Variants in CFAP44 observed in about 807,000 individuals in gnomAD.
The protein encoded by CFAP44 is cilia- and flagella-associated protein 44.
In CFAP44, 134 loss-of-function variants were observed where a neutral mutation model predicts 216.2. The observed-to-expected ratio is 0.62, with a 90% CI of 0.54 to 0.72. CFAP44 has a LOEUF of 0.72. Among genes scored for constraint, CFAP44 ranks in the 30% least tolerant of loss-of-function variants. CFAP44 has a pLI of 0.00. For missense variants in CFAP44, 2,035 were observed against 2,182.1 expected, an observed-to-expected ratio of 0.93 and a Z score of 1.34; for synonymous variants, 700 against 727.6, an observed-to-expected ratio of 0.96 and a Z score of 0.61.
At chr3:113,331,306 C>T (rs1211865251) in intron 25 of CFAP44, among the ~76,000 whole-genome samples, 2 of 152,068 alleles carry the variant, frequency 1.3e-5, no homozygotes, top group African/African-American at 4.8e-5. Context: ...TCTCATTGCT[C>T]TTTCATTACC....
intron 18 of CFAP44, among the ~76,000 whole-genome samples, chr3:113,369,097 G>A (rs1333570900): frequency 6.6e-6 from 1 of 152,134 alleles, no homozygotes; most frequent in Non-Finnish European, 1.5e-5. Context: ...CAAATCCTTA[G>A]AAACCTACAA....
At chr3:113,389,259 T>G (rs1933731739) in intron 15 of CFAP44, among the ~76,000 whole-genome samples, 1 of 152,154 alleles carries the variant, frequency 6.6e-6, no homozygotes, top group East Asian at 1.9e-4. Context: ...TTAAACAATA[T>G]GTTCCTGAAT....
intron 24 of CFAP44, among the ~76,000 whole-genome samples, chr3:113,336,273 C>A (rs1052351486): frequency 6.6e-6 from 1 of 151,758 alleles, no homozygotes; most frequent in Non-Finnish European, 1.5e-5. Flanking sequence ...AATCTATGAC[C>A]AAAAGCTAGT....
chr3:113,399,881 T>A, intron 13 of CFAP44, 25 bp downstream of exon 13: 1 of 1,479,828 alleles, frequency 6.8e-7, no homozygotes, highest in Non-Finnish European at 9.2e-7. Flanking sequence ...TAGATTCTGG[T>A]AGTTCATTAT....
chr3:113,384,292 C>T (rs1933591416), intron 15 of CFAP44, among the ~76,000 whole-genome samples: 1 of 152,112 alleles, frequency 6.6e-6, no homozygotes, highest in Non-Finnish European at 1.5e-5. Context: ...ATCCCCTGAC[C>T]TTGTGATCCA....
rs1934189145 is a variant in CFAP44, at chr3:113,403,229, A to ACCAG, written c.1170+619_1170+622dup. 2.0e-5 allele frequency among the ~76,000 whole-genome samples: 3 copies of ACCAG among 152,226 alleles called. No homozygotes were observed. In the South Asian group the frequency reaches 6.2e-4, roughly 32 times the overall value. ...AGGCAAATCACAAGGCTACAGGTTG[A>ACCAG]CCAGCCACAGCACAATACTCATTAA... On this transcript the variant is annotated intron_variant, in intron 9 of 34. Transcript: ENST00000393845.
At chr3:113,299,807 T>C (rs950317551) in intron 32 of CFAP44, among the ~76,000 whole-genome samples, 1 of 152,148 alleles carries the variant, frequency 6.6e-6, no homozygotes, top group Non-Finnish European at 1.5e-5. Context: ...GACAGGCGAT[T>C]GCTTGAGCCC....
At chr3:113,411,188 G>C (rs542767757) in intron 6 of CFAP44, among the ~76,000 whole-genome samples, 12 of 152,264 alleles carry the variant, frequency 7.9e-5, no homozygotes, top group African/African-American at 2.9e-4. Context: ...TGTTGCCATT[G>C]CTTTTGGTGT....
At position 113,287,194 on chromosome 3, in the gene CFAP44, G is replaced by A. The variant is rs76690593; in HGVS notation, c.*4363C>T. 2.6e-6 allele frequency: 1 copy of A among 391,986 alleles called. No homozygotes were observed. Among genetic ancestry groups the A allele is most frequent in the Non-Finnish European group, 4.9e-6 (1 of 204,066 alleles). 24.3% of individuals were successfully genotyped at this position (391,986 alleles called of 1,614,324 possible). ...AGGCCCACAGATAAGCTGGCAAGAGGAAGGATCCCAGGCACATGGTTCATC... is the reference window on the plus strand; with the variant it reads ...AGGCCCACAGATAAGCTGGCAAGAGAAAGGATCCCAGGCACATGGTTCATC... On this transcript the variant is annotated 3_prime_UTR_variant, in exon 35 of 35. Coordinates refer to ENST00000393845, the MANE Select transcript of CFAP44 (RefSeq NM_001164496.2).
At position 113,344,612 on chromosome 3, in the gene CFAP44, T is replaced by C; in HGVS notation, c.3166A>G (p.Lys1056Glu). The change falls in exon 23 of 35, where the codon AAA becomes GAA. Residue 1056 changes from lysine to glutamate, a missense_variant. By Grantham distance (56) the Lys-to-Glu change is moderately conservative (BLOSUM62 1). Transcript: ENST00000393845. ...TCTGATTGACTAGCTCGTTTGAATT[T>C]GGAGTACTTAGAGGGCTGCACCAGC... ...YRLVQPSKYS[K>E]FKRASQSERK... 6.5e-7 allele frequency: 1 copy of C among 1,537,174 alleles called. No individual in the cohort carries two copies. Among genetic ancestry groups the C allele is most frequent in the Non-Finnish European group, 8.7e-7 (1 of 1,146,866 alleles).
At chr3:113,341,997 A>G (rs1950337147) in intron 23 of CFAP44, 79 bp from the exon 24 acceptor site, 1 of 1,402,208 alleles carries the variant, frequency 7.1e-7, no homozygotes, top group Non-Finnish European at 9.4e-7. Flanking sequence ...AACCTGCTGC[A>G]TTAGAAAAAA....
In CFAP44 at chr3:113,290,802, T is replaced by C. The variant is rs868202431; in HGVS notation, c.*755A>G. Reference sequence around the variant, plus strand: ...AAATGGCAGGGGACATGAGAAACTATGGGGAAAACTTAGAATTCTGACGGA... The same window carrying C: ...AAATGGCAGGGGACATGAGAAACTACGGGGAAAACTTAGAATTCTGACGGA... On this transcript the variant is annotated 3_prime_UTR_variant, in exon 35 of 35. Transcript: ENST00000393845. 14 of 152,170 alleles carry C rather than the reference T, an allele frequency of 9.2e-5. No homozygotes were observed. Among genetic ancestry groups the C allele is most frequent in the African/African-American group, 3.4e-4 (14 of 41,440 alleles). 9.4% of individuals were successfully genotyped at this position (152,170 alleles called of 1,614,324 possible).
intron 17 of CFAP44, among the ~76,000 whole-genome samples, chr3:113,378,394 C>T (rs1373636972): frequency 1.3e-5 from 2 of 152,122 alleles, no homozygotes; most frequent in Non-Finnish European, 2.9e-5. Flanking sequence ...GTCTCCAATG[C>T]TATTTTCCAT....
intron 4 of CFAP44, 125 bp downstream of exon 4, chr3:113,425,999 C>T: frequency 9.1e-7 from 1 of 1,100,972 alleles, no homozygotes; most frequent in East Asian, 2.4e-5. Flanking sequence ...GGCTGTGTTG[C>T]AATAAAACTT....
chr3:113,400,421 G>T, intron 12 of CFAP44, 124 bp downstream of exon 12: 1 of 743,972 alleles, frequency 1.3e-6, no homozygotes, highest in Non-Finnish European at 2.0e-6. Flanking sequence ...CAACTCGCTT[G>T]CATTCAAGAG....
At chr3:113,430,293 C>T (rs533283260) in intron 2 of CFAP44, among the ~76,000 whole-genome samples, 1 of 151,232 alleles carries the variant, frequency 6.6e-6, no homozygotes, top group African/African-American at 2.4e-5. Context: ...TAAAATACAA[C>T]ATATTAAAAT....
intron 15 of CFAP44, among the ~76,000 whole-genome samples, chr3:113,384,854 A>G (rs1028663748): frequency 6.6e-6 from 1 of 152,220 alleles, no homozygotes; most frequent in Non-Finnish European, 1.5e-5. Context: ...ATCATGGAAG[A>G]TGAGGGAGTC....
intron 23 of CFAP44, 68 bp from the exon 24 acceptor site, chr3:113,341,986 T>C (rs1950337054): frequency 7.0e-7 from 1 of 1,435,944 alleles, no homozygotes; most frequent in African/African-American, 1.5e-5. Context: ...ATATTGTTTT[T>C]AACCTGCTGC....
chr3:113,351,926 C>T (rs1163423643), intron 22 of CFAP44, among the ~76,000 whole-genome samples: 4 of 152,190 alleles, frequency 2.6e-5, no homozygotes, highest in Non-Finnish European at 4.4e-5. Context: ...GACCCACTGG[C>T]CCTTCGGCTG....
Sources: gnomAD v4.1 joint callset for allele counts (sites outside exome capture counted in the v4.1 genomes callset) on GRCh38, gnomAD v4.1.1 for gene constraint, MANE v1.5 for transcripts, NCBI Gene and HGNC (gene_info 2026-07-23, HGNC 2026-07-21) for gene names.